Variants in PRICKLE2 observed in about 807,000 individuals in gnomAD.
PRICKLE2 encodes prickle-like protein 2.
PRICKLE2 carries 21 observed loss-of-function variants against 81.4 expected under a neutral mutation model. The ratio of observed to expected loss-of-function variants is 0.26; its 90% CI spans 0.18 to 0.37. The LOEUF (loss-of-function observed/expected upper bound fraction) is 0.37. PRICKLE2 is among the 10% of genes least tolerant of loss of function. The pLI, the probability that PRICKLE2 is intolerant of heterozygous loss-of-function variation, is 1.00. For missense variants in PRICKLE2, 940 were observed against 1,109.0 expected, an observed-to-expected ratio of 0.85 and a Z score of 2.16; for synonymous variants, 456 against 421.5, an observed-to-expected ratio of 1.08 and a Z score of -1.00.
In PRICKLE2 at chr3:64,097,093, T is replaced by C. The variant is rs1445075268; in HGVS notation, c.*1958A>G. 1 of 152,614 alleles carries C rather than the reference T, an allele frequency of 6.6e-6. No individual in the cohort carries two copies. Among genetic ancestry groups the C allele is most frequent in the African/African-American group, 2.4e-5 (1 of 41,424 alleles). 9.5% of individuals were successfully genotyped at this position (152,614 alleles called of 1,614,324 possible). A position where few individuals can be genotyped will look rare whatever the true frequency, so the allele number is the denominator to read the frequency against. ...GTTAATTCTCCGGAGGCTCGGATAA[T>C]TAATGAAGCATTTAGATATGAAGAT... is the stretch of plus-strand genomic sequence containing the variant. On this transcript the variant is annotated 3_prime_UTR_variant, in exon 8 of 8. Transcript: ENST00000638394.
intron 2 of PRICKLE2, among the ~76,000 whole-genome samples, chr3:64,246,381 T>C (rs1019213565): frequency 1.3e-5 from 2 of 152,208 alleles, no homozygotes; most frequent in African/African-American, 4.8e-5. Flanking sequence ...GAAAAAACTT[T>C]AGTGATCTTC....
intron 2 of PRICKLE2, among the ~76,000 whole-genome samples, chr3:64,178,186 G>T (rs907819346): frequency 6.6e-6 from 1 of 152,102 alleles, no homozygotes; most frequent in Non-Finnish European, 1.5e-5. Context: ...CTTATCAGCC[G>T]ACCGTATATT....
intron 2 of PRICKLE2, among the ~76,000 whole-genome samples, chr3:64,233,338 T>G (rs1012368688): frequency 1.3e-5 from 2 of 152,200 alleles, no homozygotes; most frequent in Non-Finnish European, 2.9e-5. Context: ...CAGCATGCCA[T>G]GCTTCTGCTC....
At chr3:64,208,384 C>T (rs1575668197) in intron 1 of PRICKLE2, among the ~76,000 whole-genome samples, 1 of 152,320 alleles carries the variant, frequency 6.6e-6, no homozygotes, top group Middle Eastern at 3.4e-3. Flanking sequence ...CCACACAGGG[C>T]TTCAGCTCCT....
At chr3:64,170,692 T>C (rs2077913678) in intron 2 of PRICKLE2, among the ~76,000 whole-genome samples, 1 of 138,710 alleles carries the variant, frequency 7.2e-6, no homozygotes, top group South Asian at 2.4e-4. Flanking sequence ...AGACCATGCC[T>C]CTAGAAACAT....
At chr3:64,191,312 A>T (rs1435230737) in intron 2 of PRICKLE2, among the ~76,000 whole-genome samples, 1 of 152,132 alleles carries the variant, frequency 6.6e-6, no homozygotes, top group East Asian at 1.9e-4. Context: ...TTAGTCACAT[A>T]CTACTATTTC....
intron 2 of PRICKLE2, among the ~76,000 whole-genome samples, chr3:64,183,523 AT>A (rs2078170007): frequency 6.6e-6 from 1 of 152,268 alleles, no homozygotes; most frequent in African/African-American, 2.4e-5. Context: ...AAAAACAGAA[AT>A]CTAAGGAAAA....
intron 1 of PRICKLE2, among the ~76,000 whole-genome samples, chr3:64,219,456 C>G (rs186956369): frequency 6.6e-6 from 1 of 152,316 alleles, no homozygotes; most frequent in East Asian, 1.9e-4. Flanking sequence ...TCCCTATGTT[C>G]CCTGTAGTCC....
intron 1 of PRICKLE2, among the ~76,000 whole-genome samples, chr3:64,201,590 G>T (rs2078581287): frequency 6.6e-6 from 1 of 152,026 alleles, no homozygotes; most frequent in Admixed American, 6.6e-5. Flanking sequence ...TCATTGGGTT[G>T]TGTTCTAATT....
upstream of PRICKLE2, among the ~76,000 whole-genome samples, chr3:64,226,635 G>A (rs1223289230): frequency 6.6e-6 from 1 of 152,140 alleles, no homozygotes. Flanking sequence ...ATACTCAATA[G>A]CTATTTCTGA....
chr3:64,184,237 T>C (rs1008552742), intron 2 of PRICKLE2, among the ~76,000 whole-genome samples: 12 of 152,190 alleles, frequency 7.9e-5, no homozygotes, highest in African/African-American at 2.7e-4. Context: ...AAGTGCTCTA[T>C]AAGGCAGGAA....
Position 64,257,852 on chromosome 3 carries a change from G to A in PRICKLE2, c.129-58885C>T, listed in dbSNP as rs572204057. On this transcript the variant is annotated intron_variant, in intron 2 of 8. Coordinates refer to the PRICKLE2 transcript ENST00000295902. Reference sequence around the variant, plus strand: ...CCTAAAGTGATAGTATTAGAAGATGGGGCTTTTGGGAGGTGATTAGGTCAT... The same window carrying A: ...CCTAAAGTGATAGTATTAGAAGATGAGGCTTTTGGGAGGTGATTAGGTCAT... Among the ~76,000 whole-genome samples the A allele has an allele frequency of 1.1e-4, 17 of 152,164 alleles. No individual in the cohort carries two copies. The East Asian group carries it at 3.3e-3, about 30-fold the overall frequency.
At chr3:64,160,467 C>G (rs1183278102) in intron 3 of PRICKLE2, among the ~76,000 whole-genome samples, 2 of 152,216 alleles carry the variant, frequency 1.3e-5, no homozygotes, top group Non-Finnish European at 2.9e-5. Context: ...ACTTTCATCT[C>G]CATGTGCCCA....
At chr3:64,167,705 G>A (rs2077858361) in intron 2 of PRICKLE2, among the ~76,000 whole-genome samples, 1 of 152,152 alleles carries the variant, frequency 6.6e-6, no homozygotes, top group South Asian at 2.1e-4. Context: ...GGAGAAAAGT[G>A]TATGAAAAGT....
chr3:64,134,414 A>G (rs777166589), intron 7 of PRICKLE2, among the ~76,000 whole-genome samples: 4 of 152,180 alleles, frequency 2.6e-5, no homozygotes, highest in Non-Finnish European at 5.9e-5. Context: ...AATGATTTTC[A>G]TTGGAATTCC....
intron 1 of PRICKLE2, among the ~76,000 whole-genome samples, chr3:64,223,614 G>A (rs1426428421): frequency 3.9e-5 from 6 of 152,192 alleles, no homozygotes; most frequent in African/African-American, 9.6e-5. Flanking sequence ...GAGCCAGTAT[G>A]TTTTAATTTT....
intron 1 of PRICKLE2, among the ~76,000 whole-genome samples, chr3:64,202,278 G>A (rs1162618185): frequency 1.3e-5 from 2 of 151,782 alleles, no homozygotes; most frequent in African/African-American, 4.8e-5. Flanking sequence ...GTCAATTTGT[G>A]CAAAAAAAAG....
intron 2 of PRICKLE2, among the ~76,000 whole-genome samples, chr3:64,231,380 ACAAAG>A (rs2079098485): frequency 6.6e-6 from 1 of 152,216 alleles, no homozygotes; most frequent in Non-Finnish European, 1.5e-5. Flanking sequence ...TTTTCCTTAG[ACAAAG>A]AAAGCTGCAC....
At chr3:64,233,256 T>C (rs1469535485) in intron 2 of PRICKLE2, among the ~76,000 whole-genome samples, 1 of 152,298 alleles carries the variant, frequency 6.6e-6, no homozygotes, top group Non-Finnish European at 1.5e-5. Context: ...GCCTCCTACC[T>C]GGTCTATTAT....
Sources: gnomAD v4.1 joint callset for allele counts (sites outside exome capture counted in the v4.1 genomes callset) on GRCh38, gnomAD v4.1.1 for gene constraint, MANE v1.5 for transcripts, NCBI Gene and HGNC (gene_info 2026-07-23, HGNC 2026-07-21) for gene names.